Variants in FRMPD4 observed in about 807,000 individuals in gnomAD.
FRMPD4 encodes FERM and PDZ domain-containing protein 4.
Under a neutral mutation model 94.1 loss-of-function variants are expected in FRMPD4, and 22 were observed. That is an observed-to-expected ratio of 0.23 (90% CI 0.17 to 0.33). The LOEUF (loss-of-function observed/expected upper bound fraction) is 0.33, where lower values mean the gene tolerates loss of function less well. FRMPD4 is among the 10% of genes least tolerant of loss of function. The probability of loss-of-function intolerance (pLI) is 1.00; values close to 1 mark genes in which losing one functional copy is unlikely to be tolerated. For missense variants in FRMPD4, 1,111 were observed against 1,339.9 expected, an observed-to-expected ratio of 0.83 and a Z score of 2.67; for synonymous variants, 631 against 548.6, an observed-to-expected ratio of 1.15 and a Z score of -2.10.
intron 3 of FRMPD4, among the ~76,000 whole-genome samples, chrX:11,898,601 C>A (rs1407566973): frequency 8.9e-6 from 1 of 111,782 alleles, no homozygotes; most frequent in African/African-American, 3.3e-5. Flanking sequence ...TTACTCATTA[C>A]ACATTTTATG....
intron 1 of FRMPD4, among the ~76,000 whole-genome samples, chrX:12,353,093 G>T (rs996362442): frequency 5.4e-5 from 6 of 111,878 alleles, no homozygotes; most frequent in Non-Finnish European, 1.1e-4. Context: ...CGAGAGTGTG[G>T]GTTGGCTGGC....
chrX:12,579,064 G>A (rs971787047), intron 2 of FRMPD4, among the ~76,000 whole-genome samples: 21 of 112,016 alleles, frequency 1.9e-4, no homozygotes, highest in African/African-American at 6.8e-4. Context: ...AAAATAAATT[G>A]GATAGTCATG....
chrX:11,997,427 T>G (rs1034648772), intron 3 of FRMPD4, among the ~76,000 whole-genome samples: 1 of 112,121 alleles, frequency 8.9e-6, no homozygotes, highest in African/African-American at 3.2e-5. Context: ...CACTTACTGC[T>G]GTGGTAATGC....
At chrX:11,965,260 C>T (rs1298236212) in intron 3 of FRMPD4, among the ~76,000 whole-genome samples, 1 of 112,085 alleles carries the variant, frequency 8.9e-6, no homozygotes, top group Non-Finnish European at 1.9e-5. Flanking sequence ...TCCAAGAGGA[C>T]AGGTCTACAT....
chrX:11,874,662 G>C lies in FRMPD4; in HGVS notation c.-29-3233G>C, dbSNP rs189749179. Among the ~76,000 whole-genome samples the C allele has an allele frequency of 2.2e-3, 241 of 111,773 alleles. 1 individual carries two copies. Among genetic ancestry groups the C allele is most frequent in the African/African-American group, 7.5e-3 (230 of 30,788 alleles). On this transcript the variant is annotated intron_variant, in intron 2 of 18. Transcript: ENST00000640291. Reference sequence around the variant, plus strand: ...AGCTTGCATTCTACAGTGAATACAGGTACTTGCAATGTAGGGCAGAATGTG... The same window carrying C: ...AGCTTGCATTCTACAGTGAATACAGCTACTTGCAATGTAGGGCAGAATGTG...
chrX:12,272,531 T>C (rs778070837), intron 1 of FRMPD4, among the ~76,000 whole-genome samples: 1 of 111,432 alleles, frequency 9.0e-6, no homozygotes, highest in Non-Finnish European at 1.9e-5. Flanking sequence ...ATTATGGTGG[T>C]TGGGCCTAGG....
intron 3 of FRMPD4, among the ~76,000 whole-genome samples, chrX:11,921,149 A>T (rs760190124): frequency 1.8e-5 from 2 of 112,311 alleles, no homozygotes; most frequent in East Asian, 5.6e-4. Context: ...GGCTGTCGTA[A>T]CAAAGTACCA....
intron 8 of FRMPD4, among the ~76,000 whole-genome samples, chrX:12,691,177 A>C (rs2060076535): frequency 8.9e-6 from 1 of 112,161 alleles, no homozygotes; most frequent in Non-Finnish European, 1.9e-5. Context: ...TTTGTAATAG[A>C]TTAGTTCAAA....
At chrX:12,486,600 C>T (rs1293893928) in intron 1 of FRMPD4, among the ~76,000 whole-genome samples, 3 of 112,493 alleles carry the variant, frequency 2.7e-5, no homozygotes, top group Admixed American at 9.4e-5. Context: ...CAATTTGTAA[C>T]TCTGTGCTCT....
intron 2 of FRMPD4, among the ~76,000 whole-genome samples, chrX:12,501,509 G>A (rs372494619): frequency 1.9e-5 from 2 of 106,660 alleles, no homozygotes; most frequent in East Asian, 2.9e-4. Context: ...CAGAGTTCTC[G>A]GGAGCCCAGG....
intron 1 of FRMPD4, among the ~76,000 whole-genome samples, chrX:12,292,036 C>T (rs898983876): frequency 8.9e-6 from 1 of 112,014 alleles, no homozygotes; most frequent in African/African-American, 3.2e-5. Context: ...CAGACAGTGA[C>T]TTAGAACACA....
intron 2 of FRMPD4, among the ~76,000 whole-genome samples, chrX:12,598,662 T>C (rs1417303493): frequency 9.0e-6 from 1 of 111,668 alleles, no homozygotes; most frequent in Non-Finnish European, 1.9e-5. Context: ...AGAAAAGATG[T>C]GTAAAGTTGG....
intron 2 of FRMPD4, among the ~76,000 whole-genome samples, chrX:12,543,425 C>T (rs1359687723): frequency 4.2e-4 from 47 of 111,902 alleles, no homozygotes; most frequent in Admixed American, 1.5e-3. Context: ...AAAAAGTGGG[C>T]GAAGGATATG....
chrX:12,134,747 CCT>C (rs1350939488), upstream of FRMPD4, among the ~76,000 whole-genome samples: 1 of 112,191 alleles, frequency 8.9e-6, no homozygotes, highest in African/African-American at 3.2e-5. Context: ...AAAGTGCCTA[CCT>C]CTGATTAATC....
At chrX:11,976,827 AGAT>A (rs1433871911) in intron 3 of FRMPD4, among the ~76,000 whole-genome samples, 1 of 112,172 alleles carries the variant, frequency 8.9e-6, no homozygotes, top group Non-Finnish European at 1.9e-5. Flanking sequence ...AGCCTTTATT[AGAT>A]CTAATTCTTT....
chrX:12,195,898 C>G (rs2056561858), intron 1 of FRMPD4, among the ~76,000 whole-genome samples: 1 of 111,772 alleles, frequency 8.9e-6, no homozygotes, highest in Admixed American at 9.5e-5. Flanking sequence ...GCCATTCATC[C>G]ATGTTTTTCT....
chrX:12,037,650 G>A (rs894249929), intron 3 of FRMPD4, among the ~76,000 whole-genome samples: 20 of 110,559 alleles, frequency 1.8e-4, no homozygotes, highest in Non-Finnish European at 3.8e-4. Flanking sequence ...CGTATCATGG[G>A]GGTTTGGTGT....
At chrX:12,638,406 T>A (rs1602244825) in intron 4 of FRMPD4, among the ~76,000 whole-genome samples, 2 of 111,166 alleles carry the variant, frequency 1.8e-5, no homozygotes, top group East Asian at 5.7e-4. Flanking sequence ...CCAGCTAATT[T>A]TTTTTCTTTT....
At chrX:12,404,816 A>C (rs2056648869) in intron 1 of FRMPD4, among the ~76,000 whole-genome samples, 1 of 111,940 alleles carries the variant, frequency 8.9e-6, no homozygotes, top group Non-Finnish European at 1.9e-5. Context: ...ATGGAACCAA[A>C]TAGAAAATAG....
Sources: allele counts gnomAD v4.1 joint callset (sites outside exome capture counted in the v4.1 genomes callset), GRCh38; gene constraint gnomAD v4.1.1; transcripts MANE v1.5; gene names NCBI Gene and HGNC (gene_info 2026-07-23, HGNC 2026-07-21).